VPS8: variants seen among roughly 807,000 people sequenced by gnomAD.
VPS8 encodes the protein vacuolar protein sorting-associated protein 8 homolog.
A neutral mutation model predicts 216.4 loss-of-function variants in VPS8; 129 were observed. The observed-to-expected ratio is 0.60, with a 90% CI of 0.52 to 0.69. The LOEUF (loss-of-function observed/expected upper bound fraction) is 0.69, where lower values mean the gene tolerates loss of function less well. Among genes scored for constraint, VPS8 ranks in the 30% least tolerant of loss-of-function variants. The probability of loss-of-function intolerance (pLI) is 0.00; values close to 1 mark genes in which losing one functional copy is unlikely to be tolerated. For missense variants in VPS8, 1,531 were observed against 1,683.5 expected (o/e 0.91, Z 1.59); for synonymous variants, 571 against 565.4 (o/e 1.01, Z -0.14).
intron 7 of VPS8, 149 bp downstream of exon 7, chr3:184,839,901 A>G: frequency 1.4e-6 from 2 of 1,410,568 alleles, no homozygotes; most frequent in Non-Finnish European, 1.8e-6. Context: ...TTTTATAGCT[A>G]AAAATTATTT....
At chr3:184,950,951 T>C (rs1744601025) in intron 36 of VPS8, among the ~76,000 whole-genome samples, 1 of 152,230 alleles carries the variant, frequency 6.6e-6, no homozygotes, top group African/African-American at 2.4e-5. Context: ...CCACATTTTC[T>C]TTATCCAGTC....
chr3:184,930,330 G>T, intron 33 of VPS8, 140 bp from the exon 34 acceptor site: 1 of 530,562 alleles, frequency 1.9e-6, no homozygotes, highest in Non-Finnish European at 3.3e-6. Flanking sequence ...TATTTTTAGG[G>T]ACAGAGTTTT....
intron 46 of VPS8, among the ~76,000 whole-genome samples, chr3:185,028,167 G>A (rs556808701): frequency 6.6e-6 from 1 of 152,182 alleles, no homozygotes; most frequent in African/African-American, 2.4e-5. Flanking sequence ...TTGGGCCATT[G>A]ACCATCCCTG....
intron 36 of VPS8, among the ~76,000 whole-genome samples, chr3:184,942,879 T>C (rs954269744): frequency 1.3e-5 from 2 of 152,212 alleles, no homozygotes; most frequent in Non-Finnish European, 2.9e-5. Flanking sequence ...AGTAACATAT[T>C]GAGTTCCGGA....
chr3:185,044,231 A>T (rs1432969100), intron 46 of VPS8, among the ~76,000 whole-genome samples: 1 of 152,164 alleles, frequency 6.6e-6, no homozygotes, highest in Non-Finnish European at 1.5e-5. Context: ...CTTCTTCCAG[A>T]CTGCTGCCGA....
chr3:184,827,486 C>A (rs912826816), intron 3 of VPS8, among the ~76,000 whole-genome samples: 5 of 152,146 alleles, frequency 3.3e-5, no homozygotes, highest in Admixed American at 1.3e-4. Context: ...GGAAATCTTT[C>A]ATTTAGAGGT....
intron 23 of VPS8, 99 bp downstream of exon 23, chr3:184,895,024 C>A (rs1560566621): frequency 4.1e-6 from 4 of 985,994 alleles, no homozygotes; most frequent in Admixed American, 5.7e-5. Flanking sequence ...CTTCTAAGAA[C>A]CGTAATTATT....
chr3:184,886,310 C>G (rs1731217673), intron 22 of VPS8, among the ~76,000 whole-genome samples, 154 bp downstream of exon 22: 2 of 152,072 alleles, frequency 1.3e-5, no homozygotes, highest in Admixed American at 1.3e-4. Context: ...AGTTCATTTA[C>G]CTAATAAAAT....
intron 41 of VPS8, 60 bp from the exon 42 acceptor site, chr3:184,982,952 A>C: frequency 7.1e-7 from 1 of 1,416,738 alleles, no homozygotes; most frequent in Middle Eastern, 2.3e-4. Flanking sequence ...ACAGACTTAT[A>C]GGAAAAACTG....
At chr3:185,029,527 G>C (rs973553814) in intron 46 of VPS8, among the ~76,000 whole-genome samples, 1 of 151,834 alleles carries the variant, frequency 6.6e-6, no homozygotes, top group African/African-American at 2.4e-5. Flanking sequence ...CCACTCTGCC[G>C]CTGCATGTCA....
rs76268922 is a variant in VPS8 at position 184,994,623 on chromosome 3, A to G, written c.3666+560A>G. ...GAAACAAATATCTTTTTTCAAAATG[A>G]AAGTGTGAGAAACTTTCTGGAAAAA... On this transcript the variant is annotated intron_variant, in intron 43 of 47. Coordinates refer to ENST00000625842, the MANE Select transcript of VPS8 (RefSeq NM_001009921.3). Among the ~76,000 whole-genome samples, 68 of 152,324 alleles carry G rather than the reference A, an allele frequency of 4.5e-4. 2 individuals are homozygous for G. In the East Asian group the frequency reaches 0.012, roughly 28 times the overall value.
intron 45 of VPS8, among the ~76,000 whole-genome samples, chr3:185,001,049 T>G (rs1003060640): frequency 2.0e-5 from 3 of 152,210 alleles, no homozygotes; most frequent in Non-Finnish European, 4.4e-5. Flanking sequence ...AAGTTTGTAT[T>G]GAACAGTGTG....
intron 7 of VPS8, among the ~76,000 whole-genome samples, chr3:184,841,493 G>T (rs756691229): frequency 6.6e-6 from 1 of 152,030 alleles, no homozygotes; most frequent in Non-Finnish European, 1.5e-5. Context: ...TAAGTTGTTT[G>T]TAAACATATA....
intron 8 of VPS8, among the ~76,000 whole-genome samples, chr3:184,845,463 CAT>C (rs1341666186): frequency 6.6e-6 from 1 of 151,962 alleles, no homozygotes. Flanking sequence ...AAGGATAGGA[CAT>C]ATGAAGAGGA....
intron 25 of VPS8, chr3:184,901,431 T>C (rs1417233552): frequency 1.3e-5 from 2 of 152,858 alleles, no homozygotes; most frequent in East Asian, 3.8e-4. Flanking sequence ...ATATTTGAGT[T>C]GCTTTCAGTT....
chr3:184,935,525 T>C (rs1178131729), intron 34 of VPS8, among the ~76,000 whole-genome samples: 2 of 152,170 alleles, frequency 1.3e-5, no homozygotes, highest in Non-Finnish European at 2.9e-5. Flanking sequence ...ATTTGGTCTT[T>C]GTGTTTTAGC....
intron 37 of VPS8, among the ~76,000 whole-genome samples, chr3:184,961,742 TTTTTTGTTTTTG>T (rs1268400519): frequency 1.3e-5 from 2 of 151,672 alleles, no homozygotes; most frequent in Non-Finnish European, 2.9e-5. Context: ...TTTTACCAAT[TTTTTTGTTTTTG>T]TTTTTGTTTT....
chr3:184,863,942 A>G (rs751441907), intron 16 of VPS8, among the ~76,000 whole-genome samples: 2 of 152,224 alleles, frequency 1.3e-5, no homozygotes, highest in African/African-American at 2.4e-5. Context: ...AAGAAAAGTC[A>G]GAATAAGAAA....
rs1006676543 is a variant in VPS8, at chr3:185,022,933, G to A, written c.4003-1403G>A. On this transcript the variant is annotated intron_variant, in intron 45 of 47. Transcript: ENST00000625842. ...TATTTTCCAATATAACATATGGGCT[G>A]TAAATTCTTTAACCACTGTTTTAGT... Among the ~76,000 whole-genome samples the A allele has an allele frequency of 2.6e-5, 4 of 152,190 alleles. No individual in the cohort carries two copies. In the East Asian group the frequency reaches 7.7e-4, roughly 29 times the overall value.
Sources: gnomAD v4.1 joint callset for allele counts (sites outside exome capture counted in the v4.1 genomes callset) on GRCh38, gnomAD v4.1.1 for gene constraint, MANE v1.5 for transcripts, NCBI Gene and HGNC (gene_info 2026-07-23, HGNC 2026-07-21) for gene names.